The following CD244 variants were observed in gnomAD, a reference collection of about 807,000 sequenced individuals.
The protein encoded by CD244 is CD244 molecule.
Under a neutral mutation model 45.5 loss-of-function variants are expected in CD244, and 20 were observed. That is an observed-to-expected ratio of 0.44 (90% confidence interval 0.31 to 0.64). The LOEUF is 0.64. Among genes scored for constraint, CD244 ranks in the 30% least tolerant of loss-of-function variants. The probability of loss-of-function intolerance (pLI) is 0.08; values close to 1 mark genes in which losing one functional copy is unlikely to be tolerated. For synonymous variants in CD244, 185 were observed against 160.5 expected (o/e 1.15, Z -1.15); for missense variants, 407 against 426.9 (o/e 0.95, Z 0.41).
At chr1:160,856,016 C>G (rs1417069569) in intron 1 of CD244, among the ~76,000 whole-genome samples, 3 of 152,158 alleles carry the variant, frequency 2.0e-5, no homozygotes, top group Non-Finnish European at 4.4e-5. Context: ...ACGGGAGGGT[C>G]TCAGAGCAAG....
rs769652477 is a variant in CD244, at chr1:160,832,530, T to G, written c.1006A>C (p.Ile336Leu). The change falls in exon 8 of 9, where the codon ATC becomes CTC. Residue 336 changes from isoleucine to leucine, a missense_variant. Physicochemically the swap from Ile to Leu is conservative, Grantham distance 5. Transcript: ENST00000368034. ...RNHSPSFNSTIYEVIGKSQPK... is the reference protein window; with the variant it reads ...RNHSPSFNSTLYEVIGKSQPK... ...TTCCAGAATCTTACCACTTCATAGATAGTGCTATTGAAGGAAGGGCTGTGG... is the reference window on the plus strand; with the variant it reads ...TTCCAGAATCTTACCACTTCATAGAGAGTGCTATTGAAGGAAGGGCTGTGG... The G allele has an allele frequency of 1.3e-5, 21 of 1,602,246 alleles. No individual in the cohort carries two copies. The highest frequency in any genetic ancestry group is 2.7e-5 in the African/African-American group (2 of 74,432).
intron 1 of CD244, chr1:160,848,143 A>G: frequency 2.2e-6 from 1 of 461,444 alleles, no homozygotes; most frequent in Non-Finnish European, 4.2e-6. Context: ...GAGAGAAATG[A>G]TTTGGTTACA....
chr1:160,856,473 A>G (rs949858138), intron 1 of CD244, among the ~76,000 whole-genome samples: 1 of 152,062 alleles, frequency 6.6e-6, no homozygotes, highest in Non-Finnish European at 1.5e-5. Flanking sequence ...CTCTGCTTCA[A>G]TTGTCCTTCT....
chr1:160,861,219 A>G (rs1670290922), intron 1 of CD244, among the ~76,000 whole-genome samples: 1 of 151,896 alleles, frequency 6.6e-6, no homozygotes, highest in Admixed American at 6.6e-5. Flanking sequence ...CAACCCACCC[A>G]CAAGAGCTGC....
In CD244 at chr1:160,831,278, C is replaced by A; in HGVS notation, c.*69G>T. ...GAACTGTTCTATAGAGACTCCTGTG[C>A]CGTCATCCACTGTGCCAATTCCCAA... is the stretch of plus-strand genomic sequence containing the variant. On this transcript the variant is annotated 3_prime_UTR_variant, in exon 9 of 9. Transcript: ENST00000368034. 9.1e-7 allele frequency: 1 copy of A among 1,093,692 alleles called. No homozygotes were observed. The highest frequency in any genetic ancestry group is 1.4e-6 in the Non-Finnish European group (1 of 708,024). 67.7% of individuals were successfully genotyped at this position (1,093,692 alleles called of 1,614,324 possible).
chr1:160,841,165 G>A (rs1398427454), intron 3 of CD244, 45 bp downstream of exon 3: 1 of 1,594,324 alleles, frequency 6.3e-7, no homozygotes, highest in Admixed American at 1.7e-5. Flanking sequence ...TGGTTGCGGG[G>A]TCCAAACCTT....
intron 6 of CD244, among the ~76,000 whole-genome samples, chr1:160,835,442 T>C (rs1669300491): frequency 6.6e-6 from 1 of 152,212 alleles, no homozygotes; most frequent in African/African-American, 2.4e-5. Flanking sequence ...GAGGCTGTTA[T>C]GTGAGATTTA....
At position 160,850,885 on chromosome 1, in the gene CD244, C is replaced by A. The variant is rs189298784; in HGVS notation, c.62-8984G>T. ...TGCAAGCTCCAGATTGTTTTACCTG[C>A]GCTTCTGACCAACTAGCTATAAACT... On this transcript the variant is annotated intron_variant, in intron 1 of 8. Coordinates refer to ENST00000368034, the MANE Select transcript of CD244 (RefSeq NM_016382.4). 4.0e-4 allele frequency among the ~76,000 whole-genome samples: 61 copies of A among 152,300 alleles called. No individual in the cohort carries two copies. In the South Asian group the frequency reaches 7.7e-3, roughly 19 times the overall value.
chr1:160,838,583 A>C, intron 4 of CD244, 65 bp from the exon 5 acceptor site: 1 of 1,115,728 alleles, frequency 9.0e-7, no homozygotes, highest in Non-Finnish European at 1.4e-6. Context: ...TGCTTCTAAC[A>C]GGTCCCACCT....
chr1:160,841,063 G>A (rs1669524392), intron 3 of CD244, 147 bp downstream of exon 3: 1 of 717,076 alleles, frequency 1.4e-6, no homozygotes, highest in Admixed American at 2.6e-5. Context: ...TGTGTGCCTG[G>A]AGGCCAGGGC....
intron 1 of CD244, among the ~76,000 whole-genome samples, chr1:160,854,295 C>T (rs1571117925): frequency 6.6e-6 from 1 of 152,198 alleles, no homozygotes. Flanking sequence ...GAATGTAGAG[C>T]GCTATGTAGA....
At chr1:160,843,368 T>C (rs1241143180) in intron 1 of CD244, among the ~76,000 whole-genome samples, 1 of 152,208 alleles carries the variant, frequency 6.6e-6, no homozygotes, top group African/African-American at 2.4e-5. Context: ...CAAGTCAACC[T>C]ACCAAATATT....
intron 1 of CD244, among the ~76,000 whole-genome samples, chr1:160,862,032 G>A (rs1320926004): frequency 6.6e-6 from 1 of 152,162 alleles, no homozygotes; most frequent in East Asian, 1.9e-4. Flanking sequence ...TTGCTGTGGA[G>A]CTTCCTCATA....
In CD244 at chr1:160,831,126, C is replaced by A; in HGVS notation, c.*221G>T. On this transcript the variant is annotated 3_prime_UTR_variant, in exon 9 of 9. Coordinates refer to ENST00000368034, the MANE Select transcript of CD244 (RefSeq NM_016382.4). ...TTTGTGAACAACCTAACCCCTCCAC[C>A]CATTCATGTCTGATCTGTAAATTGG... 2.1e-6 allele frequency: 1 copy of A among 466,216 alleles called. No individual in the cohort carries two copies. The highest frequency in any genetic ancestry group is 3.3e-5 in the East Asian group (1 of 30,514). The allele number at this position is 466,216 out of a possible 1,614,324, so 28.9% of individuals were successfully genotyped here. A position where few individuals can be genotyped will look rare whatever the true frequency, so the allele number is the denominator to read the frequency against.
At chr1:160,862,518 A>C (rs1670346418) in intron 1 of CD244, 99 bp downstream of exon 1, 1 of 1,016,826 alleles carries the variant, frequency 9.8e-7, no homozygotes, top group Admixed American at 2.0e-5. Context: ...GTTCCAGATG[A>C]CTGTGTATGT....
At chr1:160,837,705 C>T (rs1392671378) in intron 5 of CD244, among the ~76,000 whole-genome samples, 3 of 152,232 alleles carry the variant, frequency 2.0e-5, no homozygotes, top group Admixed American at 6.5e-5. Context: ...AAGGCACTTC[C>T]GCCCCACTTC....
At chr1:160,849,277 CTCTT>C (rs1048087465) in intron 1 of CD244, among the ~76,000 whole-genome samples, 1 of 121,090 alleles carries the variant, frequency 8.3e-6, no homozygotes, top group Non-Finnish European at 1.7e-5. Context: ...TTGTACCCAT[CTCTT>C]TCTTTTTTTT....
chr1:160,840,642 T>C (rs1202486591), intron 3 of CD244, among the ~76,000 whole-genome samples: 1 of 152,124 alleles, frequency 6.6e-6, no homozygotes, highest in African/African-American at 2.4e-5. Context: ...ATGAGAGCTG[T>C]ATGGTTTTTT....
At chr1:160,835,938 G>A (rs1571087898) in intron 6 of CD244, among the ~76,000 whole-genome samples, 2 of 152,306 alleles carry the variant, frequency 1.3e-5, no homozygotes, top group Admixed American at 1.3e-4. Flanking sequence ...TGCTCCTATA[G>A]ACTTTATCTG....
Sources: allele counts gnomAD v4.1 joint callset (sites outside exome capture counted in the v4.1 genomes callset), GRCh38; gene constraint gnomAD v4.1.1; transcripts MANE v1.5; gene names NCBI Gene and HGNC (gene_info 2026-07-23, HGNC 2026-07-21).